Variants in CADM1 observed in about 807,000 individuals in gnomAD.
The protein encoded by CADM1 is cell adhesion molecule 1.
Under a neutral mutation model 53.1 loss-of-function variants are expected in CADM1, and 15 were observed. The observed-to-expected ratio is 0.28, with a 90% CI of 0.19 to 0.44. The LOEUF (loss-of-function observed/expected upper bound fraction) is 0.44. Ranked by LOEUF, CADM1 falls within the 20% of genes least tolerant of loss-of-function variation. CADM1 has a pLI of 1.00. For synonymous variants in CADM1, 281 were observed against 243.0 expected (o/e 1.16, Z -1.45); for missense variants, 434 against 611.3 (o/e 0.71, Z 3.06).
In CADM1 at chr11:115,401,648, A is replaced by T. The variant is rs142634324; in HGVS notation, c.124+102623T>A. 3.4e-3 allele frequency among the ~76,000 whole-genome samples: 524 copies of T among 152,350 alleles called. 3 individuals are homozygous for T. The highest frequency in any genetic ancestry group is 0.028 in the South Asian group (134 of 4,828). Reference sequence around the variant, plus strand: ...AAAAAGATCAGGGGTTGCCAGGGATATAAGGGAAGAAGGAATGAACTGGCA... The same window carrying T: ...AAAAAGATCAGGGGTTGCCAGGGATTTAAGGGAAGAAGGAATGAACTGGCA... On this transcript the variant is annotated intron_variant, in intron 1 of 11. Coordinates refer to ENST00000331581, the MANE Select transcript of CADM1 (RefSeq NM_001301043.2).
intron 1 of CADM1, among the ~76,000 whole-genome samples, chr11:115,249,970 TC>T (rs34774515): frequency 0.43 from 66,089 of 151,948 alleles, 16,428 homozygotes; most frequent in Non-Finnish European, 0.56. Context: ...AGTAGTGCGA[TC>T]TCGGCTCACT....
chr11:115,311,507 T>A (rs2011151543), intron 1 of CADM1, among the ~76,000 whole-genome samples: 1 of 151,880 alleles, frequency 6.6e-6, no homozygotes, highest in Non-Finnish European at 1.5e-5. Flanking sequence ...GACCGTGGGT[T>A]TCATATCCCG....
intron 5 of CADM1, among the ~76,000 whole-genome samples, chr11:115,223,749 G>C (rs1354795414): frequency 6.6e-6 from 1 of 152,086 alleles, no homozygotes; most frequent in East Asian, 1.9e-4. Flanking sequence ...ACAATCTATA[G>C]TCCTTATAAT....
At chr11:115,275,328 G>A (rs1342144432) in intron 1 of CADM1, among the ~76,000 whole-genome samples, 1 of 152,116 alleles carries the variant, frequency 6.6e-6, no homozygotes. Context: ...TCCTTCAGGA[G>A]GCCTTACCTC....
intron 1 of CADM1, among the ~76,000 whole-genome samples, chr11:115,450,571 C>G (rs1948549469): frequency 6.6e-6 from 1 of 152,202 alleles, no homozygotes; most frequent in East Asian, 1.9e-4. Flanking sequence ...AGATAGCCAG[C>G]TCCATAACTA....
At chr11:115,261,647 T>A (rs1942977220) in intron 1 of CADM1, among the ~76,000 whole-genome samples, 1 of 152,236 alleles carries the variant, frequency 6.6e-6, no homozygotes, top group Non-Finnish European at 1.5e-5. Flanking sequence ...TCCTTTTTGT[T>A]TTATATTTAC....
intron 1 of CADM1, chr11:115,339,969 A>T (rs1945382066): frequency 6.6e-6 from 1 of 152,168 alleles, no homozygotes; most frequent in South Asian, 2.1e-4. Flanking sequence ...TTTTGTTTCC[A>T]ATAAGATCAC....
rs372594262 is a variant in CADM1 at position 115,400,661 on chromosome 11, GTATATATATATATATATATATATATATA to G, written c.124+103582_124+103609del. 2.3e-3 allele frequency among the ~76,000 whole-genome samples: 105 copies of G among 46,576 alleles called. 2 individuals carry two copies. Among genetic ancestry groups the G allele is most frequent in the East Asian group, 0.015 (21 of 1,442 alleles). 30.6% of individuals were successfully genotyped at this position (46,576 alleles called of 152,430 possible). A position where few individuals can be genotyped will look rare whatever the true frequency, so the allele number is the denominator to read the frequency against. On this transcript the variant is annotated intron_variant, in intron 1 of 11. Coordinates refer to ENST00000331581, the MANE Select transcript of CADM1 (RefSeq NM_001301043.2). ...TATATGTGTGTGTGTGTGTGTGTGT[GTATATATATATATATATATATATATATA>G]TATATATATATATATATGCTTATTT...
At chr11:115,200,592 T>C (rs1940376743) in intron 8 of CADM1, among the ~76,000 whole-genome samples, 1 of 152,216 alleles carries the variant, frequency 6.6e-6, no homozygotes, top group Non-Finnish European at 1.5e-5. Context: ...GGTTCCTGCA[T>C]TCAAGCGATT....
chr11:115,197,085 T>A (rs1940193711), intron 9 of CADM1, among the ~76,000 whole-genome samples: 1 of 152,140 alleles, frequency 6.6e-6, no homozygotes. Context: ...GAAATAGGAA[T>A]GGGGTGGGGA....
intron 1 of CADM1, among the ~76,000 whole-genome samples, chr11:115,492,620 T>C (rs1048377316): frequency 4.6e-5 from 7 of 152,136 alleles, no homozygotes; most frequent in African/African-American, 1.7e-4. Context: ...TGCGCTCTAC[T>C]TGGTAGATTT....
intron 1 of CADM1, among the ~76,000 whole-genome samples, chr11:115,462,396 G>C (rs1948815723): frequency 1.3e-5 from 2 of 152,112 alleles, no homozygotes; most frequent in African/African-American, 4.8e-5. Flanking sequence ...AGCACCTCGG[G>C]TTATCTGTGA....
chr11:115,477,762 T>C (rs1245909374), intron 1 of CADM1, among the ~76,000 whole-genome samples: 1 of 152,236 alleles, frequency 6.6e-6, no homozygotes, highest in African/African-American at 2.4e-5. Flanking sequence ...ACTGGAGAAG[T>C]GTCTTCTCCA....
chr11:115,415,357 A>G (rs961577457), intron 1 of CADM1, among the ~76,000 whole-genome samples: 10 of 152,180 alleles, frequency 6.6e-5, no homozygotes, highest in African/African-American at 2.4e-4. Context: ...TCATTCATAT[A>G]TTATATACTG....
At chr11:115,238,343 T>G (rs1329564835) in intron 3 of CADM1, among the ~76,000 whole-genome samples, 157 bp downstream of exon 3, 3 of 152,204 alleles carry the variant, frequency 2.0e-5, no homozygotes, top group African/African-American at 7.2e-5. Flanking sequence ...TTACAGCATT[T>G]GGTAAAATAG....
rs182110062 is a variant in CADM1 at position 115,233,159 on chromosome 11, G to A, written c.425-1669C>T. Among the ~76,000 whole-genome samples the A allele has an allele frequency of 8.4e-4, 128 of 152,266 alleles. 2 individuals carry two copies. In the Middle Eastern group the frequency reaches 0.017, roughly 20 times the overall value. ...TTTGGTGGTGGTGGTGGCGGGGGGT[G>A]TAATGAGCAGAGCCAAAGGATCCCT... On this transcript the variant is annotated intron_variant, in intron 3 of 11. Transcript: ENST00000331581.
At position 115,442,237 on chromosome 11, in the gene CADM1, A is replaced by G. The variant is rs139512914; in HGVS notation, c.124+62034T>C. On this transcript the variant is annotated intron_variant, in intron 1 of 11. Transcript: ENST00000331581. ...CAATGAGTGAACATCACAGAGAATA[A>G]TAAATACAATCATAATATATGAAAA... Among the ~76,000 whole-genome samples the G allele has an allele frequency of 7.9e-3, 1,208 of 152,112 alleles. 17 individuals carry two copies. Among genetic ancestry groups the G allele is most frequent in the Middle Eastern group, 0.051 (15 of 294 alleles).
At chr11:115,372,953 G>A (rs1383598951) in intron 1 of CADM1, among the ~76,000 whole-genome samples, 1 of 152,226 alleles carries the variant, frequency 6.6e-6, no homozygotes, top group Non-Finnish European at 1.5e-5. Context: ...TTACTCCTTT[G>A]ATTGTCAATT....
chr11:115,399,089 C>G (rs962547610), intron 1 of CADM1: 2 of 152,176 alleles, frequency 1.3e-5, no homozygotes, highest in African/African-American at 4.8e-5. Context: ...GTTATTATTA[C>G]ACCTATTGAG....
Sources: gnomAD v4.1 joint callset for allele counts (sites outside exome capture counted in the v4.1 genomes callset) on GRCh38, gnomAD v4.1.1 for gene constraint, MANE v1.5 for transcripts, NCBI Gene and HGNC (gene_info 2026-07-23, HGNC 2026-07-21) for gene names.